Variants in RALYL observed in about 807,000 individuals in gnomAD.
RALYL encodes the protein RALY RNA binding protein like, also known as RNA-binding Raly-like protein.
RALYL carries 29 observed loss-of-function variants against 35.1 expected under a neutral mutation model. That is an observed-to-expected ratio of 0.83 (90% confidence interval 0.61 to 1.13). The LOEUF (loss-of-function observed/expected upper bound fraction) is 1.13. Among genes scored for constraint, RALYL ranks in the 50% most tolerant of loss-of-function variants. The pLI is 0.00. For missense variants in RALYL, 359 were observed against 360.4 expected, an observed-to-expected ratio of 1.00 and a Z score of 0.03; for synonymous variants, 120 against 127.6, an observed-to-expected ratio of 0.94 and a Z score of 0.40.
chr8:84,648,155 G>A (rs1463024148), intron 2 of RALYL, among the ~76,000 whole-genome samples: 1 of 151,938 alleles, frequency 6.6e-6, no homozygotes, highest in Non-Finnish European at 1.5e-5. Flanking sequence ...GCTTCATTCT[G>A]GCAAAGATCA....
At chr8:84,671,862 A>G (rs1485599317) in intron 2 of RALYL, among the ~76,000 whole-genome samples, 1 of 151,952 alleles carries the variant, frequency 6.6e-6, no homozygotes, top group African/African-American at 2.4e-5. Context: ...GTTAACATTT[A>G]CTCCTCATTA....
intron 8 of RALYL, among the ~76,000 whole-genome samples, chr8:84,917,798 G>A (rs1280195615): frequency 6.6e-6 from 1 of 151,932 alleles, no homozygotes; most frequent in African/African-American, 2.4e-5. Context: ...GCCTAAAAAT[G>A]TAACGTAATT....
At chr8:84,356,409 C>T (rs1241653760) in intron 1 of RALYL, among the ~76,000 whole-genome samples, 1 of 150,408 alleles carries the variant, frequency 6.6e-6, no homozygotes, top group Non-Finnish European at 1.5e-5. Flanking sequence ...CAAGACGATA[C>T]ACTGGTTCAG....
chr8:84,183,286 G>C lies in RALYL; in HGVS notation c.-1162G>C, dbSNP rs967608555. 6.5e-6 allele frequency: 1 copy of C among 153,558 alleles called. No homozygotes were observed. The highest frequency in any genetic ancestry group is 2.4e-5 in the African/African-American group (1 of 41,458). 9.5% of individuals were successfully genotyped at this position (153,558 alleles called of 1,614,324 possible). The stretch of plus-strand genomic sequence containing the variant: ...CTCGTCTGGGCTCACAGCGAAGGCA[G>C]CCTCGCCGCGAGCTGCCGCTGCCGC... On this transcript the variant is annotated 5_prime_UTR_variant, in exon 1 of 9. Coordinates refer to ENST00000521268, the MANE Select transcript of RALYL (RefSeq NM_173848.7).
intron 2 of RALYL, among the ~76,000 whole-genome samples, chr8:84,567,858 T>C (rs1007516101): frequency 1.3e-5 from 2 of 151,678 alleles, no homozygotes; most frequent in African/African-American, 4.8e-5. Context: ...TCCACATCCA[T>C]GCCAACATCT....
chr8:84,499,840 A>T (rs934732178), intron 1 of RALYL, among the ~76,000 whole-genome samples: 1 of 152,148 alleles, frequency 6.6e-6, no homozygotes, highest in African/African-American at 2.4e-5. Context: ...CTGCAGCCTC[A>T]AACTCCCAGG....
At chr8:84,858,606 A>T (rs780600625) in intron 5 of RALYL, among the ~76,000 whole-genome samples, 2 of 152,208 alleles carry the variant, frequency 1.3e-5, no homozygotes, top group Non-Finnish European at 2.9e-5. Context: ...TACAATCTTA[A>T]ATGAACTAGT....
rs144570425 is a variant in RALYL, at chr8:84,692,205, A to G, written c.257-82374A>G. On this transcript the variant is annotated intron_variant, in intron 2 of 8. Transcript: ENST00000521268. Reference sequence around the variant, plus strand: ...AAAGATGCACATTCTCACCACTTATATTTAGTATTACACTAGATGTCATAG... The same window carrying G: ...AAAGATGCACATTCTCACCACTTATGTTTAGTATTACACTAGATGTCATAG... Among the ~76,000 whole-genome samples the G allele has an allele frequency of 7.2e-5, 11 of 152,106 alleles. No individual in the cohort carries two copies. The South Asian group carries it at 1.7e-3, about 23-fold the overall frequency.
rs550730844 is a variant in RALYL at position 84,455,201 on chromosome 8, T to A, written c.-23-74098T>A. Among the ~76,000 whole-genome samples, 228 of 152,100 alleles carry A rather than the reference T, an allele frequency of 1.5e-3. 1 individual carries two copies. Among genetic ancestry groups the A allele is most frequent in the South Asian group, 6.0e-3 (29 of 4,824 alleles). On this transcript the variant is annotated intron_variant, in intron 1 of 8. Transcript: ENST00000521268. ...CTTTGATTGTTCAGCTAATGTCACT[T>A]CAAAACAGACTATGCTTTCTTCATG...
At chr8:84,530,833 C>T (rs1405835548) in intron 2 of RALYL, among the ~76,000 whole-genome samples, 3 of 152,178 alleles carry the variant, frequency 2.0e-5, no homozygotes, top group Non-Finnish European at 4.4e-5. Flanking sequence ...TCTCTCCCTT[C>T]TTGAACCACT....
chr8:84,484,519 A>G (rs1286733278), intron 1 of RALYL, among the ~76,000 whole-genome samples: 1 of 152,084 alleles, frequency 6.6e-6, no homozygotes, highest in Admixed American at 6.6e-5. Context: ...GTGAAATGTC[A>G]GGGTGTGTGC....
At chr8:84,858,379 C>T (rs1050647110) in intron 5 of RALYL, among the ~76,000 whole-genome samples, 1 of 151,912 alleles carries the variant, frequency 6.6e-6, no homozygotes, top group African/African-American at 2.4e-5. Flanking sequence ...TCATTATAAA[C>T]CATTATCTAT....
chr8:84,652,571 T>C (rs1232507040), intron 2 of RALYL, among the ~76,000 whole-genome samples: 1 of 152,094 alleles, frequency 6.6e-6, no homozygotes, highest in Non-Finnish European at 1.5e-5. Flanking sequence ...AAAATGGCTC[T>C]TTATTAGACA....
intron 1 of RALYL, among the ~76,000 whole-genome samples, chr8:84,470,060 AC>A (rs1236146423): frequency 2.0e-5 from 3 of 152,104 alleles, no homozygotes; most frequent in Non-Finnish European, 4.4e-5. Flanking sequence ...AGTGAGATGC[AC>A]CCGGTACCTC....
At chr8:84,576,423 C>G (rs1487993848) in intron 2 of RALYL, among the ~76,000 whole-genome samples, 1 of 152,104 alleles carries the variant, frequency 6.6e-6, no homozygotes, top group Non-Finnish European at 1.5e-5. Flanking sequence ...ACAATTGTGC[C>G]AACTTTGATT....
intron 1 of RALYL, among the ~76,000 whole-genome samples, chr8:84,272,014 A>G (rs1241272437): frequency 6.6e-6 from 1 of 152,214 alleles, no homozygotes; most frequent in African/African-American, 2.4e-5. Context: ...TTAGGCTACC[A>G]CCATAATGAG....
chr8:84,667,976 T>A (rs1832416170), intron 2 of RALYL, among the ~76,000 whole-genome samples: 1 of 152,164 alleles, frequency 6.6e-6, no homozygotes, highest in Non-Finnish European at 1.5e-5. Context: ...AGGAAAATCA[T>A]GCCATAGAGA....
chr8:84,799,721 C>G (rs1300149459), intron 3 of RALYL, among the ~76,000 whole-genome samples: 1 of 152,190 alleles, frequency 6.6e-6, no homozygotes, highest in African/African-American at 2.4e-5. Context: ...CTTTGGGAGG[C>G]CGAGGCAGGC....
At chr8:84,445,645 G>T (rs2048771531) in intron 1 of RALYL, among the ~76,000 whole-genome samples, 1 of 151,384 alleles carries the variant, frequency 6.6e-6, no homozygotes, top group African/African-American at 2.4e-5. Flanking sequence ...TTTATATTTT[G>T]TTATCAATAA....
Sources: gnomAD v4.1 joint callset for allele counts (sites outside exome capture counted in the v4.1 genomes callset) on GRCh38, gnomAD v4.1.1 for gene constraint, MANE v1.5 for transcripts, NCBI Gene and HGNC (gene_info 2026-07-23, HGNC 2026-07-21) for gene names.